The following DNAJB11 variants were observed in gnomAD, a reference collection of about 807,000 sequenced individuals.
The protein encoded by DNAJB11 is DnaJ heat shock protein family (Hsp40) member B11.
In DNAJB11, 30 loss-of-function variants were observed where a neutral mutation model predicts 47.2. The observed-to-expected ratio is 0.64, with a 90% CI of 0.48 to 0.86. The LOEUF (loss-of-function observed/expected upper bound fraction) is 0.86. DNAJB11 is among the 40% of genes least tolerant of loss of function. The pLI is 0.00. For synonymous variants in DNAJB11, 151 were observed against 159.9 expected, an observed-to-expected ratio of 0.94 and a Z score of 0.42; for missense variants, 357 against 440.2, an observed-to-expected ratio of 0.81 and a Z score of 1.69.
At position 186,575,902 on chromosome 3, in the gene DNAJB11, T is replaced by C. The variant is rs748732005; in HGVS notation, c.288T>C (p.Asp96=). 3 of 1,613,894 alleles carry C rather than the reference T, an allele frequency of 1.9e-6. No homozygotes were observed. Among genetic ancestry groups the C allele is most frequent in the African/African-American group, 1.3e-5 (1 of 74,914 alleles). The change falls in exon 3 of 10, where the codon GAT becomes GAC. Residue 96 remains aspartate, a synonymous_variant. Transcript: ENST00000265028. The part of the protein sequence containing the change: ...YDTYGEEGLK[D]GHQSSHGDIF... ...CTTATGGTGAAGAAGGATTAAAAGA[T>C]GGTCATCAGAGCTCCCATGGAGACA...
chr3:186,572,355 A>T (rs181171546), intron 2 of DNAJB11, 104 bp downstream of exon 2: 51 of 756,640 alleles, frequency 6.7e-5, no homozygotes, highest in Non-Finnish European at 6.6e-5. Flanking sequence ...TTATTTATTT[A>T]TTTATTTTGA....
intron 6 of DNAJB11, 54 bp downstream of exon 6, chr3:186,582,131 G>C: frequency 7.6e-7 from 1 of 1,320,424 alleles, no homozygotes; most frequent in Non-Finnish European, 1.1e-6. Flanking sequence ...CTCTCTGCTT[G>C]TTTGTGAATA....
Position 186,584,601 on chromosome 3 carries a change from T to TGTGTGTGTGTGTGTG in DNAJB11, c.1012+12_1012+13insGTGTGTGTGTGTGTG, listed in dbSNP as rs755041560. The TGTGTGTGTGTGTGTG allele has an allele frequency of 5.3e-6, 2 of 374,060 alleles. No individual in the cohort carries two copies. Among genetic ancestry groups the TGTGTGTGTGTGTGTG allele is most frequent in the Non-Finnish European group, 7.5e-6 (2 of 268,192 alleles). 23.2% of individuals were successfully genotyped at this position (374,060 alleles called of 1,614,324 possible). On this transcript the variant is annotated intron_variant, in intron 9 of 9. Coordinates refer to ENST00000265028, the MANE Select transcript of DNAJB11 (RefSeq NM_016306.6). ...GGAAGCGAGAGAAGGTATGGCATAT[T>TGTGTGTGTGTGTGTG]AGTGTGTGTGTGTGTGTGTGTTTGT...
intron 4 of DNAJB11, chr3:186,580,553 T>C (rs9859857): frequency 0.27 from 40,520 of 152,164 alleles, 6,809 homozygotes; most frequent in African/African-American, 0.47. Context: ...TGTAAAAGTG[T>C]TTGGCACATG....
intron 1 of DNAJB11, among the ~76,000 whole-genome samples, chr3:186,571,415 G>A (rs1181264022): frequency 1.3e-5 from 2 of 152,154 alleles, no homozygotes; most frequent in Admixed American, 6.5e-5. Context: ...CCGCTGAGGT[G>A]GAGAAGCGGA....
rs185975938 is a variant in DNAJB11 at position 186,580,225 on chromosome 3, A to G, written c.457-1146A>G. 4.6e-5 allele frequency: 7 copies of G among 152,264 alleles called. No homozygotes were observed. The East Asian group carries it at 1.3e-3, about 29-fold the overall frequency. 9.4% of individuals were successfully genotyped at this position (152,264 alleles called of 1,614,324 possible). A position where few individuals can be genotyped will look rare whatever the true frequency, so the allele number is the denominator to read the frequency against. On this transcript the variant is annotated intron_variant, in intron 4 of 9. Transcript: ENST00000265028. ...GAACAAACTCTTTTTTAATCCAACT[A>G]TTGTAAAGGCTGTAAATGGCTTTGC...
intron 2 of DNAJB11, among the ~76,000 whole-genome samples, chr3:186,572,591 A>G (rs987829437): frequency 6.6e-6 from 1 of 152,236 alleles, no homozygotes; most frequent in East Asian, 1.9e-4. Flanking sequence ...AAGTAGATCA[A>G]CTGATTGGTC....
Position 186,584,517 on chromosome 3 carries a change from A to G in DNAJB11, c.940A>G (p.Ile314Val), listed in dbSNP as rs775822463. The G allele has an allele frequency of 2.5e-6, 4 of 1,603,690 alleles. No individual in the cohort carries two copies. Among genetic ancestry groups the G allele is most frequent in the Non-Finnish European group, 3.4e-6 (4 of 1,176,936 alleles). ...EGLPNFDNNN[I>V]KGSLIITFDV... ...GCTCCCCAACTTTGACAACAACAAT[A>G]TCAAGGGCTCTTTGATAATCACTTT... The change falls in exon 9 of 10, where the codon ATC (isoleucine) becomes GTC (valine). Residue 314 changes from isoleucine (I) to valine (V), a missense_variant. Coordinates refer to ENST00000265028, the MANE Select transcript of DNAJB11 (RefSeq NM_016306.6).
At chr3:186,571,016 G>GGGGGAT in intron 1 of DNAJB11, 51 bp downstream of exon 1, 2 of 1,269,924 alleles carry the variant, frequency 1.6e-6, no homozygotes, top group South Asian at 1.3e-5. Context: ...AGCCTTTGCT[G>GGGGGAT]GGGGGTGGGA....
chr3:186,578,621 T>C (rs1461235434), intron 4 of DNAJB11: 1 of 152,200 alleles, frequency 6.6e-6, no homozygotes, highest in Non-Finnish European at 1.5e-5. Context: ...ATTTTTTAAA[T>C]TACCAATTAG....
At chr3:186,581,019 G>A (rs1024941919) in intron 4 of DNAJB11, 17 of 172,906 alleles carry the variant, frequency 9.8e-5, no homozygotes, top group African/African-American at 3.3e-4. Flanking sequence ...TACACAGCTC[G>A]GATTTCCTAA....
intron 1 of DNAJB11, 27 bp from the exon 2 acceptor site, chr3:186,572,068 G>A (rs1415149737): frequency 1.3e-6 from 2 of 1,530,468 alleles, no homozygotes; most frequent in Non-Finnish European, 1.8e-6. Flanking sequence ...ACTCTTTAAT[G>A]AAGTATTCTC....
chr3:186,571,236 A>G (rs912093570), intron 1 of DNAJB11, among the ~76,000 whole-genome samples: 2 of 152,246 alleles, frequency 1.3e-5, no homozygotes, highest in Middle Eastern at 6.8e-3. Context: ...ATGCATTGCC[A>G]AACGGCATTT....
In DNAJB11 at chr3:186,585,484, G is replaced by T. The variant is rs1715654938; in HGVS notation, c.*76G>T. On this transcript the variant is annotated 3_prime_UTR_variant, in exon 10 of 10. Coordinates refer to ENST00000265028, the MANE Select transcript of DNAJB11 (RefSeq NM_016306.6). ...TTATCTGCAAGGTTTTTTTGTGTGT[G>T]TTTTTGTTTTTATTTTCAATATGCA... is the stretch of plus-strand genomic sequence containing the variant. 1.7e-6 allele frequency: 2 copies of T among 1,182,442 alleles called. No individual in the cohort carries two copies. Among genetic ancestry groups the T allele is most frequent in the East Asian group, 2.6e-5 (1 of 39,060 alleles). The allele number at this position is 1,182,442 out of a possible 1,614,324, so 73.2% of individuals were successfully genotyped here. A position where few individuals can be genotyped will look rare whatever the true frequency, so the allele number is the denominator to read the frequency against.
Position 186,570,750 on chromosome 3 carries a change from G to GGCTA in DNAJB11, c.-140_-137dup. Reference sequence around the variant, plus strand: ...CGGGAAGTGGACCGGCAGAAGAGGGGGCTAGCTAGCTGTCTCTGCGGACCA... The same window carrying GGCTA: ...CGGGAAGTGGACCGGCAGAAGAGGGGGCTAGCTAGCTAGCTGTCTCTGCGGACCA... On this transcript the variant is annotated 5_prime_UTR_variant, in exon 1 of 10. Transcript: ENST00000265028. 1.4e-6 allele frequency: 1 copy of GGCTA among 701,716 alleles called. No individual in the cohort carries two copies. The allele number at this position is 701,716 out of a possible 1,614,324, so 43.5% of individuals were successfully genotyped here.
At chr3:186,582,627 A>G (rs1715523971) in intron 6 of DNAJB11, 89 bp from the exon 7 acceptor site, 8 of 1,051,094 alleles carry the variant, frequency 7.6e-6, no homozygotes, top group Middle Eastern at 2.9e-4. Flanking sequence ...TGCCCAAAGT[A>G]GTGGATTAAA....
At chr3:186,583,100 T>C (rs1715542523) in intron 7 of DNAJB11, among the ~76,000 whole-genome samples, 1 of 149,586 alleles carries the variant, frequency 6.7e-6, no homozygotes, top group Non-Finnish European at 1.5e-5. Context: ...TAGGAGACTT[T>C]TCCATAGACA....
chr3:186,575,381 G>T (rs969542562), intron 2 of DNAJB11, among the ~76,000 whole-genome samples: 1 of 151,972 alleles, frequency 6.6e-6, no homozygotes, highest in African/African-American at 2.4e-5. Flanking sequence ...GTGTGTGTGT[G>T]TGTGTGTGTG....
chr3:186,581,882 C>T (rs1715497743), intron 5 of DNAJB11, 113 bp from the exon 6 acceptor site: 1 of 842,558 alleles, frequency 1.2e-6, no homozygotes, highest in Non-Finnish European at 1.8e-6. Context: ...AGTAGAGGCA[C>T]ACTACAGTCT....
Sources: allele counts gnomAD v4.1 joint callset (sites outside exome capture counted in the v4.1 genomes callset), GRCh38; gene constraint gnomAD v4.1.1; transcripts MANE v1.5; gene names NCBI Gene and HGNC (gene_info 2026-07-23, HGNC 2026-07-21).